The following LIPC variants were observed in gnomAD, a reference collection of about 807,000 sequenced individuals.
LIPC encodes the protein lipase C, hepatic type.
LIPC carries 44 observed loss-of-function variants against 50.7 expected under a neutral mutation model. The observed-to-expected ratio is 0.87, with a 90% CI of 0.68 to 1.11. The LOEUF (loss-of-function observed/expected upper bound fraction) is 1.11. LIPC is among the 50% of genes most tolerant of loss of function. The pLI is 0.00. For missense variants in LIPC, 697 were observed against 648.2 expected (o/e 1.08, Z -0.82); for synonymous variants, 271 against 256.4 (o/e 1.06, Z -0.54).
chr15:58,503,354 G>A (rs950648439), intron 1 of LIPC, among the ~76,000 whole-genome samples: 2 of 152,190 alleles, frequency 1.3e-5, no homozygotes, highest in East Asian at 1.9e-4. Context: ...AAGGAGTGGA[G>A]GGGGCAGAGT....
intron 1 of LIPC, among the ~76,000 whole-genome samples, chr15:58,528,189 C>T (rs1383173517): frequency 6.6e-5 from 10 of 151,786 alleles, no homozygotes; most frequent in Admixed American, 1.3e-4. Context: ...CAAGTTAATG[C>T]TTAATGCTTT....
rs1340997002 is a variant in LIPC at position 58,431,995 on chromosome 15, AT to A, written c.-36del. 1 of 1,477,256 alleles carries A rather than the reference AT, an allele frequency of 6.8e-7. No homozygotes were observed. Among genetic ancestry groups the A allele is most frequent in the Admixed American group, 1.7e-5 (1 of 59,842 alleles). The allele number at this position is 1,477,256 out of a possible 1,614,324, so 91.5% of individuals were successfully genotyped here. The stretch of plus-strand genomic sequence containing the variant: ...CATTGTGGTCTCTTTGGCTTCAGAA[AT>A]TACCAAGAAAGCCTGGACCCCGGGT... On this transcript the variant is annotated 5_prime_UTR_variant, in exon 1 of 9. Coordinates refer to ENST00000299022, the MANE Select transcript of LIPC (RefSeq NM_000236.3).
chr15:58,556,468 C>T (rs1893956750), intron 6 of LIPC, among the ~76,000 whole-genome samples: 1 of 152,150 alleles, frequency 6.6e-6, no homozygotes, highest in South Asian at 2.1e-4. Flanking sequence ...TACACGTTTA[C>T]TGCAGAAAAT....
chr15:58,565,562 T>C (rs1285871287), intron 8 of LIPC: 15 of 1,183,630 alleles, frequency 1.3e-5, no homozygotes, highest in Non-Finnish European at 1.6e-5. Flanking sequence ...TAGTATTGGC[T>C]GTGCAGATTA....
chr15:58,509,418 C>G (rs1892264217), intron 1 of LIPC, among the ~76,000 whole-genome samples: 1 of 152,226 alleles, frequency 6.6e-6, no homozygotes, highest in Admixed American at 6.5e-5. Flanking sequence ...CAACTACCTA[C>G]TAGCCACAGG....
At chr15:58,535,387 C>G (rs1284547166) in intron 1 of LIPC, among the ~76,000 whole-genome samples, 1 of 152,180 alleles carries the variant, frequency 6.6e-6, no homozygotes, top group East Asian at 1.9e-4. Context: ...ATACAGCTTC[C>G]TCGCTCATAC....
chr15:58,438,996 G>A (rs554844392), intron 1 of LIPC, among the ~76,000 whole-genome samples: 1 of 152,230 alleles, frequency 6.6e-6, no homozygotes, highest in Non-Finnish European at 1.5e-5. Flanking sequence ...TGTCTACAGC[G>A]TTTTCACCTC....
chr15:58,457,741 G>C (rs147127063), intron 1 of LIPC, among the ~76,000 whole-genome samples: 1,890 of 152,312 alleles, frequency 0.012, 22 homozygotes, highest in Non-Finnish European at 0.019. Context: ...AGTAGCACTG[G>C]CTTGGTCATT....
At chr15:58,536,381 G>C (rs1437157597) in intron 1 of LIPC, among the ~76,000 whole-genome samples, 2 of 152,094 alleles carry the variant, frequency 1.3e-5, no homozygotes, top group Non-Finnish European at 2.9e-5. Flanking sequence ...TCACTAACAG[G>C]TATAGTCATT....
At chr15:58,544,938 T>C (rs1178924193) in intron 4 of LIPC, among the ~76,000 whole-genome samples, 4 of 152,196 alleles carry the variant, frequency 2.6e-5, no homozygotes, top group African/African-American at 7.2e-5. Context: ...ATCTGTCACT[T>C]GAGGCCCAGA....
At chr15:58,450,942 A>G (rs1465494034) in intron 1 of LIPC, among the ~76,000 whole-genome samples, 1 of 152,188 alleles carries the variant, frequency 6.6e-6, no homozygotes, top group African/African-American at 2.4e-5. Flanking sequence ...GGAGGCAGAC[A>G]ACTTTTTCTT....
chr15:58,489,209 T>C (rs1187162558), intron 1 of LIPC, among the ~76,000 whole-genome samples: 1 of 18,228 alleles, frequency 5.5e-5, no homozygotes, highest in Non-Finnish European at 1.3e-4. Context: ...TAGGGATTCA[T>C]TTTGTTGCGG....
At position 58,548,577 on chromosome 15, in the gene LIPC, G is replaced by C. The variant is rs1343866767; in HGVS notation, c.1051+5G>C. On this transcript the variant is annotated splice_donor_5th_base_variant and intron_variant, in intron 6 of 8. Coordinates refer to ENST00000299022, the MANE Select transcript of LIPC (RefSeq NM_000236.3). ...GAGCCCAGTCCCCCTTCAAAGGTGAGTGTGGAGCTGGGGAGCCTTCAGAAG... is the reference window on the plus strand; with the variant it reads ...GAGCCCAGTCCCCCTTCAAAGGTGACTGTGGAGCTGGGGAGCCTTCAGAAG... 2 of 1,587,908 alleles carry C rather than the reference G, an allele frequency of 1.3e-6. No homozygotes were observed. Among genetic ancestry groups the C allele is most frequent in the Admixed American group, 3.6e-5 (2 of 55,568 alleles).
intron 1 of LIPC, among the ~76,000 whole-genome samples, chr15:58,523,756 G>GATAA (rs1175228615): frequency 6.6e-5 from 10 of 152,082 alleles, no homozygotes; most frequent in East Asian, 3.9e-4. Flanking sequence ...CTGTGTCTAT[G>GATAA]ATAAATAAAT....
chr15:58,543,212 T>C (rs1893398463), intron 4 of LIPC, among the ~76,000 whole-genome samples: 1 of 152,120 alleles, frequency 6.6e-6, no homozygotes, highest in African/African-American at 2.4e-5. Flanking sequence ...CTCCCAGGCT[T>C]CCGTGACACC....
chr15:58,532,024 A>T (rs1346522083), intron 1 of LIPC, among the ~76,000 whole-genome samples: 1 of 152,212 alleles, frequency 6.6e-6, no homozygotes, highest in Non-Finnish European at 1.5e-5. Flanking sequence ...CTAGGGTGTC[A>T]CAAGAGGTGA....
chr15:58,502,509 C>T (rs1274263503), intron 1 of LIPC, among the ~76,000 whole-genome samples: 1 of 144,546 alleles, frequency 6.9e-6, no homozygotes, highest in Non-Finnish European at 1.5e-5. Flanking sequence ...GTAATTTTCT[C>T]TTTTTTTTTT....
chr15:58,560,517 A>G (rs1894124013), intron 6 of LIPC, among the ~76,000 whole-genome samples: 1 of 152,210 alleles, frequency 6.6e-6, no homozygotes, highest in African/African-American at 2.4e-5. Context: ...TGATTTACGA[A>G]AGGAGACCCT....
chr15:58,432,887 T>G (rs1893173125), intron 1 of LIPC, among the ~76,000 whole-genome samples: 2 of 152,222 alleles, frequency 1.3e-5, no homozygotes, highest in Non-Finnish European at 2.9e-5. Context: ...AGGTAGAGTC[T>G]GAGATTTTTC....
Sources: gnomAD v4.1 joint callset for allele counts (sites outside exome capture counted in the v4.1 genomes callset) on GRCh38, gnomAD v4.1.1 for gene constraint, MANE v1.5 for transcripts, NCBI Gene and HGNC (gene_info 2026-07-23, HGNC 2026-07-21) for gene names.